WDFY2: variants seen among roughly 807,000 people sequenced by gnomAD.
WDFY2 encodes WD repeat and FYVE domain containing 2.
WDFY2 carries 36 observed loss-of-function variants against 56.4 expected under a neutral mutation model. The ratio of observed to expected loss-of-function variants is 0.64; its 90% CI spans 0.49 to 0.84. The LOEUF (loss-of-function observed/expected upper bound fraction) is 0.84, where lower values mean the gene tolerates loss of function less well. Ranked by LOEUF, WDFY2 falls within the 40% of genes least tolerant of loss-of-function variation. WDFY2 has a pLI of 0.00. For missense variants in WDFY2, 444 were observed against 512.2 expected (o/e 0.87, Z 1.29); for synonymous variants, 176 against 183.7 (o/e 0.96, Z 0.34).
At chr13:51,676,104 T>C (rs1450788152) in intron 3 of WDFY2, among the ~76,000 whole-genome samples, 2 of 152,180 alleles carry the variant, frequency 1.3e-5, no homozygotes, top group African/African-American at 2.4e-5. Context: ...CCTCCCTCTC[T>C]CCCACTCCAT....
intron 3 of WDFY2, among the ~76,000 whole-genome samples, chr13:51,692,331 T>G (rs950468333): frequency 2.0e-5 from 3 of 152,226 alleles, no homozygotes; most frequent in African/African-American, 7.2e-5. Context: ...GCTGTAGGTT[T>G]GTCATAGATA....
intron 1 of WDFY2, among the ~76,000 whole-genome samples, chr13:51,629,750 G>A (rs1327862118): frequency 6.6e-6 from 1 of 151,264 alleles, no homozygotes; most frequent in Non-Finnish European, 1.5e-5. Context: ...GCCAAGGGGT[G>A]ATTGAGGCTT....
At chr13:51,679,628 C>T (rs1427046805) in intron 3 of WDFY2, among the ~76,000 whole-genome samples, 1 of 152,082 alleles carries the variant, frequency 6.6e-6, no homozygotes, top group Non-Finnish European at 1.5e-5. Flanking sequence ...TTACAGTATA[C>T]ATTACTGTTA....
chr13:51,602,432 C>T (rs1320950519), intron 1 of WDFY2, among the ~76,000 whole-genome samples: 1 of 152,152 alleles, frequency 6.6e-6, no homozygotes, highest in Non-Finnish European at 1.5e-5. Flanking sequence ...GGCTATGTAC[C>T]ATATGGGTTT....
intron 2 of WDFY2, among the ~76,000 whole-genome samples, chr13:51,664,106 T>C (rs1371647922): frequency 1.3e-5 from 2 of 152,178 alleles, no homozygotes; most frequent in Non-Finnish European, 1.5e-5. Context: ...AAGGCCAAGT[T>C]TGATGACAGG....
At chr13:51,595,025 A>C (rs753563440) in intron 1 of WDFY2, among the ~76,000 whole-genome samples, 5 of 151,912 alleles carry the variant, frequency 3.3e-5, no homozygotes, top group Non-Finnish European at 7.4e-5. Flanking sequence ...TTTCTTCTCT[A>C]TTATAGAAGG....
At chr13:51,727,833 A>G (rs1334638305) in intron 6 of WDFY2, 43 bp downstream of exon 6, 2 of 1,536,634 alleles carry the variant, frequency 1.3e-6, no homozygotes, top group South Asian at 2.3e-5. Flanking sequence ...TAGCACAGTG[A>G]GATATCGCCT....
At chr13:51,745,051 G>C (rs1477216678) in intron 7 of WDFY2, among the ~76,000 whole-genome samples, 1 of 152,200 alleles carries the variant, frequency 6.6e-6, no homozygotes, top group Admixed American at 6.5e-5. Context: ...GTTGCTGCCA[G>C]CTATGAGTGG....
intron 1 of WDFY2, among the ~76,000 whole-genome samples, chr13:51,652,319 C>T (rs529310100): frequency 1.6e-4 from 24 of 152,292 alleles, no homozygotes; most frequent in South Asian, 4.1e-4. Flanking sequence ...AGATGGGTTT[C>T]GTGAATACAG....
chr13:51,597,284 A>G (rs931117227), intron 1 of WDFY2, among the ~76,000 whole-genome samples: 5 of 152,150 alleles, frequency 3.3e-5, no homozygotes, highest in African/African-American at 1.2e-4. Context: ...GCTCATAGGC[A>G]CTTTTCTAAG....
At chr13:51,682,576 C>T (rs1184954134) in intron 3 of WDFY2, among the ~76,000 whole-genome samples, 1 of 152,144 alleles carries the variant, frequency 6.6e-6, no homozygotes, top group African/African-American at 2.4e-5. Flanking sequence ...GCCTCTACCC[C>T]CCTCAAGTTG....
intron 4 of WDFY2, among the ~76,000 whole-genome samples, chr13:51,713,015 C>T (rs879371547): frequency 4.6e-5 from 7 of 152,048 alleles, no homozygotes; most frequent in Non-Finnish European, 1.0e-4. Flanking sequence ...GCTCCAGGCC[C>T]ACATGCCTTT....
intron 6 of WDFY2, among the ~76,000 whole-genome samples, chr13:51,735,630 G>A (rs748758824): frequency 6.6e-6 from 1 of 152,216 alleles, no homozygotes; most frequent in East Asian, 1.9e-4. Flanking sequence ...TAGGTAGAAT[G>A]TAAGTCTTAT....
chr13:51,591,655 T>A (rs1190336205), intron 1 of WDFY2: 1 of 152,214 alleles, frequency 6.6e-6, no homozygotes, highest in Non-Finnish European at 1.5e-5. Context: ...GCAGCCCTTA[T>A]AAGATCCTAG....
intron 5 of WDFY2, among the ~76,000 whole-genome samples, chr13:51,721,187 G>A (rs1314682343): frequency 6.6e-6 from 1 of 152,088 alleles, no homozygotes; most frequent in Non-Finnish European, 1.5e-5. Context: ...AGCCCAGAAA[G>A]GGTCCTATGT....
At chr13:51,650,798 T>C (rs762326422) in intron 1 of WDFY2, among the ~76,000 whole-genome samples, 14 of 152,200 alleles carry the variant, frequency 9.2e-5, no homozygotes, top group African/African-American at 2.2e-4. Flanking sequence ...TTTTGATGTG[T>C]TGCTGGATTC....
chr13:51,714,053 C>T (rs1952288546), intron 4 of WDFY2, among the ~76,000 whole-genome samples: 1 of 151,894 alleles, frequency 6.6e-6, no homozygotes, highest in Admixed American at 6.6e-5. Flanking sequence ...GGTTATACAA[C>T]AGTGTGAATG....
intron 1 of WDFY2, among the ~76,000 whole-genome samples, chr13:51,600,075 A>G (rs1954239344): frequency 6.6e-6 from 1 of 152,126 alleles, no homozygotes; most frequent in East Asian, 1.9e-4. Context: ...TTATTAAAGC[A>G]CTGCCTCACA....
intron 1 of WDFY2, among the ~76,000 whole-genome samples, chr13:51,638,419 T>G (rs989270231): frequency 6.6e-6 from 1 of 152,190 alleles, no homozygotes; most frequent in Non-Finnish European, 1.5e-5. Context: ...ATGGAAGAGA[T>G]AACTTTATTC....
Sources: gnomAD v4.1 joint callset for allele counts (sites outside exome capture counted in the v4.1 genomes callset) on GRCh38, gnomAD v4.1.1 for gene constraint, MANE v1.5 for transcripts, NCBI Gene and HGNC (gene_info 2026-07-23, HGNC 2026-07-21) for gene names.